The following CTNNA3 variants were observed in gnomAD, a reference collection of about 807,000 sequenced individuals.
CTNNA3 encodes the protein catenin alpha-3.
In CTNNA3, 76 loss-of-function variants were observed where a neutral mutation model predicts 95.7. That is an observed-to-expected ratio of 0.79 (90% CI 0.66 to 0.96). The LOEUF is 0.96. Ranked by LOEUF, CTNNA3 falls within the 40% of genes least tolerant of loss-of-function variation. The pLI is 0.00. For missense variants in CTNNA3, 1,191 were observed against 1,089.8 expected (o/e 1.09, Z -1.31); for synonymous variants, 431 against 374.4 (o/e 1.15, Z -1.74).
At chr10:66,571,472 C>T (rs933615818) in intron 10 of CTNNA3, among the ~76,000 whole-genome samples, 4 of 152,100 alleles carry the variant, frequency 2.6e-5, no homozygotes, top group Admixed American at 2.6e-4. Context: ...AGGAAATTGG[C>T]TTAGAAGAGT....
At chr10:67,072,419 C>T (rs1856514048) in intron 7 of CTNNA3, among the ~76,000 whole-genome samples, 1 of 152,116 alleles carries the variant, frequency 6.6e-6, no homozygotes, top group Admixed American at 6.5e-5. Flanking sequence ...CATGTAGTTT[C>T]ACCTATTTGT....
intron 5 of CTNNA3, among the ~76,000 whole-genome samples, chr10:67,377,081 T>C (rs2132719630): frequency 6.6e-6 from 1 of 152,360 alleles, no homozygotes. Context: ...CCTCTAGGGA[T>C]GAATATATCC....
At chr10:67,464,781 A>G (rs1847520088) in intron 5 of CTNNA3, among the ~76,000 whole-genome samples, 1 of 152,122 alleles carries the variant, frequency 6.6e-6, no homozygotes, top group Admixed American at 6.6e-5. Flanking sequence ...CAGGATGTAT[A>G]AAATTCTGGA....
intron 9 of CTNNA3, among the ~76,000 whole-genome samples, chr10:66,724,461 T>C (rs1285392882): frequency 4.6e-5 from 7 of 152,182 alleles, no homozygotes; most frequent in Non-Finnish European, 7.3e-5. Flanking sequence ...AGCTCATTTA[T>C]ATTTGGCCCT....
intron 7 of CTNNA3, among the ~76,000 whole-genome samples, chr10:67,173,417 T>C (rs1183406471): frequency 6.6e-6 from 1 of 152,192 alleles, no homozygotes; most frequent in Non-Finnish European, 1.5e-5. Context: ...CCATCCCAGC[T>C]CCAACACTCC....
At chr10:67,385,878 G>T (rs963461907) in intron 5 of CTNNA3, among the ~76,000 whole-genome samples, 4 of 151,138 alleles carry the variant, frequency 2.6e-5, no homozygotes, top group Non-Finnish European at 4.4e-5. Flanking sequence ...GAGGACAGCA[G>T]AAGTTTCACA....
intron 8 of CTNNA3, among the ~76,000 whole-genome samples, chr10:66,772,087 G>A (rs1840109137): frequency 6.6e-6 from 1 of 152,002 alleles, no homozygotes; most frequent in Non-Finnish European, 1.5e-5. Flanking sequence ...AGCGGGAGGT[G>A]ATGCAAATTC....
intron 17 of CTNNA3, among the ~76,000 whole-genome samples, chr10:65,936,229 TTTC>T (rs1256350577): frequency 2.0e-5 from 3 of 152,142 alleles, no homozygotes; most frequent in African/African-American, 7.2e-5. Context: ...GATTCTTTAT[TTTC>T]TTAAGTTAAC....
At chr10:66,017,349 C>T (rs4745881) in intron 15 of CTNNA3, among the ~76,000 whole-genome samples, 4,723 of 152,142 alleles carry the variant, frequency 0.031, 105 homozygotes, top group East Asian at 0.066. Flanking sequence ...GCTCTGACCA[C>T]ACCACCTGAT....
chr10:66,124,090 A>G (rs1387779293), intron 13 of CTNNA3, among the ~76,000 whole-genome samples: 2 of 152,164 alleles, frequency 1.3e-5, no homozygotes, highest in Middle Eastern at 3.4e-3. Context: ...TTTCTATCGC[A>G]TTGTCAGGCT....
chr10:66,871,662 G>A (rs979840406), intron 7 of CTNNA3, among the ~76,000 whole-genome samples: 4 of 151,170 alleles, frequency 2.6e-5, no homozygotes, highest in Admixed American at 6.6e-5. Flanking sequence ...AGATAAAAGC[G>A]ACAAACTTAC....
At chr10:67,161,209 AAAAT>A (rs1861531780) in intron 7 of CTNNA3, among the ~76,000 whole-genome samples, 1 of 152,152 alleles carries the variant, frequency 6.6e-6, no homozygotes, top group South Asian at 2.1e-4. Flanking sequence ...TAAATAAATT[AAAAT>A]AAATAAAAGT....
intron 11 of CTNNA3, among the ~76,000 whole-genome samples, chr10:66,441,652 C>T (rs1044894146): frequency 2.7e-4 from 41 of 152,252 alleles, no homozygotes; most frequent in African/African-American, 9.6e-4. Context: ...TATTTTTCTT[C>T]GTTTACTCTC....
At chr10:67,175,394 G>A (rs532930746) in intron 7 of CTNNA3, among the ~76,000 whole-genome samples, 8 of 152,160 alleles carry the variant, frequency 5.3e-5, no homozygotes, top group South Asian at 2.1e-4. Context: ...ATCTCTTTTC[G>A]TGTAGGCTTT....
intron 12 of CTNNA3, among the ~76,000 whole-genome samples, chr10:66,360,929 G>GTCTC (rs35335262): frequency 8.2e-4 from 97 of 118,944 alleles, no homozygotes; most frequent in Non-Finnish European, 1.5e-3. Context: ...CTTCCTTTCT[G>GTCTC]TCTCTCTCTC....
At chr10:67,304,352 T>C (rs532827100) in intron 5 of CTNNA3, among the ~76,000 whole-genome samples, 3 of 152,354 alleles carry the variant, frequency 2.0e-5, no homozygotes, top group African/African-American at 7.2e-5. Flanking sequence ...TTTATAATTA[T>C]AGACTGCTTT....
chr10:67,121,841 C>T (rs1691187372), intron 7 of CTNNA3, among the ~76,000 whole-genome samples: 1 of 151,748 alleles, frequency 6.6e-6, no homozygotes, highest in Non-Finnish European at 1.5e-5. Context: ...AGAACTGTTG[C>T]CAAACAGGGA....
intron 7 of CTNNA3, among the ~76,000 whole-genome samples, chr10:66,909,382 T>A (rs1209290270): frequency 6.6e-6 from 1 of 152,076 alleles, no homozygotes; most frequent in Non-Finnish European, 1.5e-5. Flanking sequence ...TGGTGGCACA[T>A]GCCTGTAATC....
intron 7 of CTNNA3, among the ~76,000 whole-genome samples, chr10:66,891,316 C>T (rs1225052650): frequency 2.0e-5 from 3 of 152,038 alleles, no homozygotes; most frequent in East Asian, 1.9e-4. Flanking sequence ...TAGGCATTTC[C>T]GTAGAAATCA....
Sources: allele counts gnomAD v4.1 joint callset (sites outside exome capture counted in the v4.1 genomes callset), GRCh38; gene constraint gnomAD v4.1.1; transcripts MANE v1.5; gene names NCBI Gene and HGNC (gene_info 2026-07-23, HGNC 2026-07-21).